Variants in MTMR6 observed in about 807,000 individuals in gnomAD.
The protein encoded by MTMR6 is phosphatidylinositol-3,5-bisphosphate 3-phosphatase MTMR6.
MTMR6 carries 47 observed loss-of-function variants against 80.1 expected under a neutral mutation model. The observed-to-expected ratio is 0.59, with a 90% confidence interval of 0.46 to 0.75. The LOEUF is 0.75. MTMR6 is among the 30% of genes least tolerant of loss of function. MTMR6 has a pLI of 0.00. For synonymous variants in MTMR6, 254 were observed against 253.0 expected (o/e 1.00, Z -0.04); for missense variants, 629 against 730.9 (o/e 0.86, Z 1.61).
At position 25,248,284 on chromosome 13, in the gene MTMR6, TA is replaced by T. The variant is rs1183277658; in HGVS notation, c.*947del. On this transcript the variant is annotated 3_prime_UTR_variant, in exon 14 of 14. Transcript: ENST00000381801. Reference sequence around the variant, plus strand: ...CAACTCATTGAGCAATAAGGCAGTTTAAAAATATACATATACATGTACTATT... The same window carrying T: ...CAACTCATTGAGCAATAAGGCAGTTTAAAATATACATATACATGTACTATT... 4 of 152,114 alleles carry T rather than the reference TA, an allele frequency of 2.6e-5. No individual in the cohort carries two copies. Among genetic ancestry groups the T allele is most frequent in the Non-Finnish European group, 5.9e-5 (4 of 67,978 alleles). The allele number at this position is 152,114 out of a possible 1,614,324, so 9.4% of individuals were successfully genotyped here.
At chr13:25,266,442 G>T (rs9319212) in intron 3 of MTMR6, among the ~76,000 whole-genome samples, 156 bp from the exon 4 acceptor site, 12,768 of 152,238 alleles carry the variant, frequency 0.084, 839 homozygotes, top group Admixed American at 0.2. Context: ...GTATGCAAAT[G>T]ATTATACCTA....
At chr13:25,249,519 T>G in intron 13 of MTMR6, 27 bp from the exon 14 acceptor site, 1 of 1,601,306 alleles carries the variant, frequency 6.2e-7, no homozygotes, top group Non-Finnish European at 8.5e-7. Context: ...TTTGAAAAAA[T>G]TACTAATTGC....
chr13:25,267,681 A>C (rs1957488540), intron 3 of MTMR6, 98 bp downstream of exon 3: 1 of 1,273,020 alleles, frequency 7.9e-7, no homozygotes, highest in South Asian at 1.6e-5. Flanking sequence ...CTGTCAGAGC[A>C]AAAAAGGATA....
At position 25,246,825 on chromosome 13, in the gene MTMR6, C is replaced by G. The variant is rs185142835; in HGVS notation, c.*2407G>C. On this transcript the variant is annotated 3_prime_UTR_variant, in exon 14 of 14. Transcript: ENST00000381801. The stretch of plus-strand genomic sequence containing the variant: ...ATTCCCTGAGCTACTTCTAGCCTAG[C>G]TGACCTTTTCAAAACACCCTCAATA... 128 of 152,660 alleles carry G rather than the reference C, an allele frequency of 8.4e-4. No individual in the cohort carries two copies. Among genetic ancestry groups the G allele is most frequent in the African/African-American group, 3.0e-3 (123 of 41,564 alleles). 9.5% of individuals were successfully genotyped at this position (152,660 alleles called of 1,614,324 possible). A position where few individuals can be genotyped will look rare whatever the true frequency, so the allele number is the denominator to read the frequency against.
At chr13:25,277,208 ACTT>A (rs1385418944) in intron 1 of MTMR6, among the ~76,000 whole-genome samples, 1 of 152,178 alleles carries the variant, frequency 6.6e-6, no homozygotes, top group African/African-American at 2.4e-5. Flanking sequence ...TGATCCTATG[ACTT>A]CTTCTCAACC....
At position 25,287,407 on chromosome 13, in the gene MTMR6, C is replaced by T; in HGVS notation, c.-160G>A. Reference sequence around the variant, plus strand: ...GTGGCGTCAACGGCGCAGGTGCAGCCGGTGAGCGCCGTCTCCTAGAAACAC... The same window carrying T: ...GTGGCGTCAACGGCGCAGGTGCAGCTGGTGAGCGCCGTCTCCTAGAAACAC... On this transcript the variant is annotated 5_prime_UTR_variant, in exon 1 of 14. Transcript: ENST00000381801. 1 of 887,976 alleles carries T rather than the reference C, an allele frequency of 1.1e-6. No individual in the cohort carries two copies. Among genetic ancestry groups the T allele is most frequent in the Non-Finnish European group, 1.8e-6 (1 of 569,784 alleles). 55.0% of individuals were successfully genotyped at this position (887,976 alleles called of 1,614,324 possible).
At position 25,249,263 on chromosome 13, in the gene MTMR6, A is replaced by T. The variant is rs1278220908; in HGVS notation, c.1835T>A (p.Leu612Ter). 6.2e-7 allele frequency: 1 copy of T among 1,614,072 alleles called. No homozygotes were observed. Among genetic ancestry groups the T allele is most frequent in the East Asian group, 2.2e-5 (1 of 44,876 alleles). ...FSKSEPAVVS[L>*]EYGVARMTC is the part of the protein sequence containing the mutation. Reference sequence around the variant, plus strand: ...AGTCATTCTTGCCACACCATACTCTAAGCTGACCACAGCAGGTTCTGATTT... The same window carrying T: ...AGTCATTCTTGCCACACCATACTCTTAGCTGACCACAGCAGGTTCTGATTT... Residue 612 changes from leucine to a stop codon, truncating the protein, a stop_gained, in exon 14 of 14, where the codon TTA (leucine) becomes TAA (stop). Transcript: ENST00000381801. LOFTEE classifies it high-confidence loss of function.
At chr13:25,250,317 A>T (rs1246722316) in intron 13 of MTMR6, among the ~76,000 whole-genome samples, 2 of 152,222 alleles carry the variant, frequency 1.3e-5, no homozygotes, top group African/African-American at 4.8e-5. Flanking sequence ...AGAAAGCATA[A>T]AACATTGAGC....
chr13:25,265,121 C>T (rs778899160), intron 5 of MTMR6, among the ~76,000 whole-genome samples: 11 of 152,136 alleles, frequency 7.2e-5, no homozygotes, highest in South Asian at 2.1e-4. Context: ...TTTCATGTTG[C>T]AAAATCCTTT....
At position 25,265,862 on chromosome 13, in the gene MTMR6, T is replaced by G. The variant is rs567451807; in HGVS notation, c.548A>C (p.Lys183Thr). 1 of 1,614,116 alleles carries G rather than the reference T, an allele frequency of 6.2e-7. No individual in the cohort carries two copies. Among genetic ancestry groups the G allele is most frequent in the Non-Finnish European group, 8.5e-7 (1 of 1,179,946 alleles). ...GTAGGAAAGAACTGGGAATCTTCCCTTGCTCCGGAACTTGGAACTACCAAC... is the reference window on the plus strand; with the variant it reads ...GTAGGAAAGAACTGGGAATCTTCCCGTGCTCCGGAACTTGGAACTACCAAC... ...IIVGSSKFRSKGRFPVLSYYH... is the reference protein window; with the variant it reads ...IIVGSSKFRSTGRFPVLSYYH... The change falls in exon 5 of 14, where the codon AAG becomes ACG. Residue 183 changes from lysine to threonine, a missense_variant. Lys to Thr is a moderately conservative substitution (Grantham distance 78). Transcript: ENST00000381801.
At position 25,287,336 on chromosome 13, in the gene MTMR6, G is replaced by T; in HGVS notation, c.-89C>A. 6.6e-7 allele frequency: 1 copy of T among 1,505,450 alleles called. No individual in the cohort carries two copies. Among genetic ancestry groups the T allele is most frequent in the East Asian group, 2.5e-5 (1 of 40,756 alleles). The allele number at this position is 1,505,450 out of a possible 1,614,324, so 93.3% of individuals were successfully genotyped here. On this transcript the variant is annotated 5_prime_UTR_variant, in exon 1 of 14. Transcript: ENST00000381801. Reference sequence around the variant, plus strand: ...GGTGACAGCGACAGAGAGCAAGCGGGAACTCCCTCCACCAGCCAGCGCCGC... The same window carrying T: ...GGTGACAGCGACAGAGAGCAAGCGGTAACTCCCTCCACCAGCCAGCGCCGC...
At chr13:25,254,295 A>T in intron 10 of MTMR6, 90 bp downstream of exon 10, 1 of 912,252 alleles carries the variant, frequency 1.1e-6, no homozygotes, top group South Asian at 1.4e-5. Context: ...CCCATCACGC[A>T]TGTGAGTTCA....
chr13:25,274,961 T>TACACACACACACACACACACAC (rs71077456), intron 1 of MTMR6, among the ~76,000 whole-genome samples: 1,595 of 105,020 alleles, frequency 0.015, 253 homozygotes, highest in Non-Finnish European at 0.021. Context: ...CACACACACA[T>TACACACACACACACACACACAC]ACACACACAC....
chr13:25,284,780 A>C (rs756281036), intron 1 of MTMR6, among the ~76,000 whole-genome samples: 4 of 152,244 alleles, frequency 2.6e-5, no homozygotes, highest in Non-Finnish European at 5.9e-5. Flanking sequence ...CCAATACATT[A>C]ATAATTTAAG....
At position 25,264,770 on chromosome 13, in the gene MTMR6, A is replaced by AAG. The variant is rs1193981381; in HGVS notation, c.591+1048_591+1049insCT. Among the ~76,000 whole-genome samples the AAG allele has an allele frequency of 6.8e-4, 102 of 150,346 alleles. 1 individual carries two copies. The highest frequency in any genetic ancestry group is 2.4e-3 in the African/African-American group (97 of 41,214). ...CTCCATCTCAAAAAAAAAAAAAAAA[A>AAG]AAAAAGAAATTTCAGAACACTGGGG... On this transcript the variant is annotated intron_variant, in intron 5 of 13. Transcript: ENST00000381801.
At chr13:25,253,157 T>A (rs966277995) in intron 11 of MTMR6, among the ~76,000 whole-genome samples, 1 of 152,114 alleles carries the variant, frequency 6.6e-6, no homozygotes. Flanking sequence ...GGAAATAACA[T>A]GAACTAGGGT....
At chr13:25,285,749 G>A (rs1957943438) in intron 1 of MTMR6, among the ~76,000 whole-genome samples, 1 of 152,150 alleles carries the variant, frequency 6.6e-6, no homozygotes, top group South Asian at 2.1e-4. Flanking sequence ...GTCCAGGCTG[G>A]TCTCGAACTC....
At chr13:25,261,186 G>A (rs1257580423) in intron 6 of MTMR6, among the ~76,000 whole-genome samples, 1 of 150,858 alleles carries the variant, frequency 6.6e-6, no homozygotes, top group East Asian at 2.0e-4. Context: ...GTACGTGCCT[G>A]TAATACCAGC....
intron 8 of MTMR6, 85 bp from the exon 9 acceptor site, chr13:25,257,406 G>A: frequency 6.7e-7 from 1 of 1,490,866 alleles, no homozygotes; most frequent in Non-Finnish European, 9.1e-7. Context: ...CAGGTATTGT[G>A]TTACAAGGAA....
Sources: gnomAD v4.1 joint callset for allele counts (sites outside exome capture counted in the v4.1 genomes callset) on GRCh38, gnomAD v4.1.1 for gene constraint, MANE v1.5 for transcripts, NCBI Gene and HGNC (gene_info 2026-07-23, HGNC 2026-07-21) for gene names.